The following COL19A1 variants were observed in gnomAD, a reference collection of about 807,000 sequenced individuals.
The protein encoded by COL19A1 is collagen type XIX alpha 1 chain, also known as collagen alpha-1(XIX) chain.
Under a neutral mutation model 190.2 loss-of-function variants are expected in COL19A1, and 159 were observed. The observed-to-expected ratio is 0.84, with a 90% CI of 0.73 to 0.95. The LOEUF (loss-of-function observed/expected upper bound fraction) is 0.95. Ranked by LOEUF, COL19A1 falls within the 40% of genes least tolerant of loss-of-function variation. The pLI is 0.00. For missense variants in COL19A1, 1,418 were observed against 1,431.9 expected (o/e 0.99, Z 0.16); for synonymous variants, 509 against 458.9 (o/e 1.11, Z -1.39).
chr6:69,933,499 G>A (rs1056500983), intron 7 of COL19A1, among the ~76,000 whole-genome samples: 1 of 152,060 alleles, frequency 6.6e-6, no homozygotes, highest in Non-Finnish European at 1.5e-5. Context: ...ACATGATTAA[G>A]GCACATTCCC....
At chr6:70,063,530 G>A (rs1780975269) in intron 14 of COL19A1, among the ~76,000 whole-genome samples, 1 of 152,138 alleles carries the variant, frequency 6.6e-6, no homozygotes, top group East Asian at 1.9e-4. Flanking sequence ...GAGAAAGCAG[G>A]AAAGATCTAA....
Position 70,165,944 on chromosome 6 carries a change from AGCGACGGACCCCCT to A in COL19A1, c.2406_2419del (p.Ser802ArgfsTer14), listed in dbSNP as rs753017591. On this transcript the variant is annotated frameshift_variant, in exon 37 of 51. Coordinates refer to ENST00000620364, the MANE Select transcript of COL19A1 (RefSeq NM_001858.6). LOFTEE classifies it high-confidence loss of function. ...TATGTCTATATATCCCTTGCAGGGC[AGCGACGGACCCCCT>A]GGGAAACCCGGACCACCTGGACCAC... The A allele has an allele frequency of 6.2e-7, 1 of 1,614,022 alleles. No homozygotes were observed. Among genetic ancestry groups the A allele is most frequent in the Non-Finnish European group, 8.5e-7 (1 of 1,179,890 alleles).
intron 18 of COL19A1, among the ~76,000 whole-genome samples, chr6:70,137,310 T>C (rs146702682): frequency 2.4e-4 from 36 of 152,280 alleles, no homozygotes; most frequent in African/African-American, 7.9e-4. Context: ...TGGATTATTG[T>C]GCCAGTTAAA....
intron 15 of COL19A1, among the ~76,000 whole-genome samples, chr6:70,083,532 T>C (rs1269660260): frequency 6.6e-6 from 1 of 152,198 alleles, no homozygotes; most frequent in Non-Finnish European, 1.5e-5. Context: ...TCCTTTCCCA[T>C]AGAATTAGAG....
chr6:70,045,329 A>C (rs1308542384), intron 14 of COL19A1, among the ~76,000 whole-genome samples: 7 of 151,784 alleles, frequency 4.6e-5, no homozygotes, highest in Non-Finnish European at 7.4e-5. Context: ...AAAAAAAAAA[A>C]AAAAAACTTT....
chr6:69,893,264 T>C (rs1470418012), intron 2 of COL19A1, among the ~76,000 whole-genome samples: 1 of 152,216 alleles, frequency 6.6e-6, no homozygotes, highest in African/African-American at 2.4e-5. Flanking sequence ...AAAGCTATCA[T>C]AAACCTATAT....
intron 11 of COL19A1, chr6:69,973,732 G>A (rs1775558508): frequency 6.6e-6 from 1 of 152,082 alleles, no homozygotes; most frequent in Admixed American, 6.6e-5. Flanking sequence ...TAATAAATAT[G>A]CTTTATTAAC....
chr6:70,033,465 C>G (rs1429410289), intron 12 of COL19A1, among the ~76,000 whole-genome samples: 2 of 151,892 alleles, frequency 1.3e-5, no homozygotes, highest in African/African-American at 4.8e-5. Context: ...CTATTTACCA[C>G]GTAGTCAGGA....
chr6:70,162,013 G>A (rs1787840434), intron 35 of COL19A1, 60 bp downstream of exon 35: 2 of 1,463,530 alleles, frequency 1.4e-6, no homozygotes, highest in East Asian at 2.4e-5. Flanking sequence ...GATGCAAGGT[G>A]AATTAATTTT....
At chr6:70,113,662 A>G (rs1784401120) in intron 16 of COL19A1, among the ~76,000 whole-genome samples, 1 of 151,718 alleles carries the variant, frequency 6.6e-6, no homozygotes, top group African/African-American at 2.4e-5. Context: ...TGAGATTGTT[A>G]ACTTCCTTCC....
At chr6:70,123,128 C>A (rs1250239981) in intron 17 of COL19A1, among the ~76,000 whole-genome samples, 1 of 151,988 alleles carries the variant, frequency 6.6e-6, no homozygotes, top group Non-Finnish European at 1.5e-5. Context: ...ACAAACAACC[C>A]CATCAAAAAG....
intron 14 of COL19A1, among the ~76,000 whole-genome samples, chr6:70,064,390 G>C (rs1024082246): frequency 2.6e-5 from 4 of 152,088 alleles, no homozygotes; most frequent in Admixed American, 2.6e-4. Context: ...TGCAGAAAAG[G>C]CCTTTGACAA....
chr6:70,143,273 C>T (rs1441496142), intron 23 of COL19A1, among the ~76,000 whole-genome samples: 3 of 152,134 alleles, frequency 2.0e-5, no homozygotes, highest in African/African-American at 7.2e-5. Context: ...AGTCTTTTGG[C>T]TAAAAGTATG....
chr6:70,042,039 T>G (rs998033287), intron 14 of COL19A1, among the ~76,000 whole-genome samples: 1 of 152,170 alleles, frequency 6.6e-6, no homozygotes, highest in Admixed American at 6.5e-5. Context: ...CACTCCAGCC[T>G]AGGTGACATA....
chr6:70,025,068 A>G lies in COL19A1; in HGVS notation c.1080+1388A>G, dbSNP rs554641291. ...GAGACGGAGTCTTGCTCTTTCCCCC[A>G]GGCTGGAGTGCAGTGGCAGTGGCAT... is the stretch of plus-strand genomic sequence containing the variant. On this transcript the variant is annotated intron_variant, in intron 12 of 50. Coordinates refer to ENST00000620364, the MANE Select transcript of COL19A1 (RefSeq NM_001858.6). Among the ~76,000 whole-genome samples the G allele has an allele frequency of 2.2e-4, 32 of 142,324 alleles. No individual in the cohort carries two copies. In the South Asian group the frequency reaches 6.9e-3, roughly 31 times the overall value. 93.4% of individuals were successfully genotyped at this position (142,324 alleles called of 152,430 possible).
rs115148393 is a variant in COL19A1 at position 70,055,239 on chromosome 6, T to C, written c.1171-13184T>C. Reference sequence around the variant, plus strand: ...TGATAGTACACTATGTTAGCAAATGTTGAGAAACATACCTATACATTTTAG... The same window carrying C: ...TGATAGTACACTATGTTAGCAAATGCTGAGAAACATACCTATACATTTTAG... On this transcript the variant is annotated intron_variant, in intron 14 of 50. Transcript: ENST00000620364. 3.7e-3 allele frequency among the ~76,000 whole-genome samples: 559 copies of C among 152,298 alleles called. 11 individuals carry two copies. The highest frequency in any genetic ancestry group is 0.013 in the African/African-American group (530 of 41,582).
intron 14 of COL19A1, among the ~76,000 whole-genome samples, chr6:70,054,708 G>C (rs920929578): frequency 3.3e-5 from 5 of 152,098 alleles, no homozygotes; most frequent in African/African-American, 9.7e-5. Flanking sequence ...TTCAATAAAT[G>C]CATTGGGGAC....
At position 70,209,220 on chromosome 6, in the gene COL19A1, A is replaced by G. The variant is rs868283584; in HGVS notation, c.*1946A>G. 5 of 152,616 alleles carry G rather than the reference A, an allele frequency of 3.3e-5. No individual in the cohort carries two copies. Among genetic ancestry groups the G allele is most frequent in the African/African-American group, 1.2e-4 (5 of 41,442 alleles). The allele number at this position is 152,616 out of a possible 1,614,324, so 9.5% of individuals were successfully genotyped here. ...GCTTTTAATTTGTTGAATTTTCTAA[A>G]CGCTTACAACTTATCTGCCACTCAT... is the stretch of plus-strand genomic sequence containing the variant. On this transcript the variant is annotated 3_prime_UTR_variant, in exon 51 of 51. Transcript: ENST00000620364.
At chr6:69,908,321 T>G (rs530063993) in intron 4 of COL19A1, among the ~76,000 whole-genome samples, 1 of 152,336 alleles carries the variant, frequency 6.6e-6, no homozygotes, top group Admixed American at 6.5e-5. Flanking sequence ...GGTTTTCATT[T>G]GGGGCATTCC....
Sources: allele counts gnomAD v4.1 joint callset (sites outside exome capture counted in the v4.1 genomes callset), GRCh38; gene constraint gnomAD v4.1.1; transcripts MANE v1.5; gene names NCBI Gene and HGNC (gene_info 2026-07-23, HGNC 2026-07-21).